Variants in VWC2L observed in about 807,000 individuals in gnomAD.
The protein encoded by VWC2L is von Willebrand factor C domain-containing protein 2-like.
VWC2L carries 10 observed loss-of-function variants against 21.6 expected under a neutral mutation model. The ratio of observed to expected loss-of-function variants is 0.46; its 90% CI spans 0.29 to 0.78. The LOEUF is 0.78. Ranked by LOEUF, VWC2L falls within the 30% of genes least tolerant of loss-of-function variation. VWC2L has a pLI of 0.10. For synonymous variants in VWC2L, 96 were observed against 94.3 expected (o/e 1.02, Z -0.10); for missense variants, 209 against 277.1 (o/e 0.75, Z 1.74).
chr2:214,416,015 T>C (rs1429949788), intron 2 of VWC2L, among the ~76,000 whole-genome samples: 1 of 152,122 alleles, frequency 6.6e-6, no homozygotes, highest in Non-Finnish European at 1.5e-5. Context: ...GTCATCTTAA[T>C]GGAAGTAAGT....
At chr2:214,471,835 T>G (rs186222397) in intron 3 of VWC2L, among the ~76,000 whole-genome samples, 1 of 152,310 alleles carries the variant, frequency 6.6e-6, no homozygotes, top group East Asian at 1.9e-4. Context: ...TCTGGTTGCA[T>G]TGGTGATTAC....
At chr2:214,441,809 GTAATA>G (rs1196859686) in intron 3 of VWC2L, among the ~76,000 whole-genome samples, 2 of 151,522 alleles carry the variant, frequency 1.3e-5, no homozygotes, top group Non-Finnish European at 2.9e-5. Flanking sequence ...CATTTTGTAT[GTAATA>G]TAATGTATAC....
chr2:214,562,296 A>G (rs1204372823), intron 3 of VWC2L, among the ~76,000 whole-genome samples: 1 of 152,108 alleles, frequency 6.6e-6, no homozygotes, highest in African/African-American at 2.4e-5. Context: ...TTCCAGCTCT[A>G]TCCATCTCCC....
rs1416689052 is a variant in VWC2L, at chr2:214,524,318, A to G, written c.521-51354A>G. Among the ~76,000 whole-genome samples, 4 of 152,140 alleles carry G rather than the reference A, an allele frequency of 2.6e-5. No homozygotes were observed. In the East Asian group the frequency reaches 7.7e-4, roughly 29 times the overall value. ...AAGCACAAAATATCACCTTAACACT[A>G]TGAAGGACAATATTTGTTTTCTAAA... is the stretch of plus-strand genomic sequence containing the variant. On this transcript the variant is annotated intron_variant, in intron 3 of 3. Coordinates refer to ENST00000312504, the MANE Select transcript of VWC2L (RefSeq NM_001080500.4).
chr2:214,536,740 C>T (rs1390540867), intron 3 of VWC2L: 1 of 151,956 alleles, frequency 6.6e-6, no homozygotes, highest in Non-Finnish European at 1.5e-5. Flanking sequence ...TTGAAATATT[C>T]CCAATTGTCT....
chr2:214,479,003 A>G (rs896097567), intron 3 of VWC2L, among the ~76,000 whole-genome samples: 3 of 152,200 alleles, frequency 2.0e-5, no homozygotes, highest in African/African-American at 4.8e-5. Flanking sequence ...AAAGTGAGAC[A>G]TGAGGGTTCA....
intron 3 of VWC2L, among the ~76,000 whole-genome samples, chr2:214,500,335 A>G (rs999182846): frequency 9.8e-5 from 15 of 152,328 alleles, no homozygotes; most frequent in African/African-American, 3.6e-4. Flanking sequence ...CCTCATGTAG[A>G]TTAAAGTCAG....
At chr2:214,525,051 ACAC>A in intron 3 of VWC2L, 1 of 95,530 alleles carries the variant, frequency 1.0e-5, no homozygotes, top group African/African-American at 4.1e-5. Context: ...CCTCACACAC[ACAC>A]ACACACACAC....
chr2:214,484,488 G>A (rs1688649392), intron 3 of VWC2L, among the ~76,000 whole-genome samples: 1 of 152,064 alleles, frequency 6.6e-6, no homozygotes, highest in Admixed American at 6.6e-5. Context: ...TTCAGTTTCA[G>A]CTCTCCCAAT....
intron 3 of VWC2L, among the ~76,000 whole-genome samples, chr2:214,542,639 G>T (rs1312718463): frequency 6.6e-6 from 1 of 152,162 alleles, no homozygotes; most frequent in Non-Finnish European, 1.5e-5. Flanking sequence ...GAAAATTGCT[G>T]CAGGCAGCGG....
At chr2:214,416,268 A>G (rs1299233734) in intron 2 of VWC2L, among the ~76,000 whole-genome samples, 1 of 152,122 alleles carries the variant, frequency 6.6e-6, no homozygotes, top group Admixed American at 6.6e-5. Flanking sequence ...TTTTACTACA[A>G]AGATAATAAC....
chr2:214,515,679 A>G (rs1262049383), intron 3 of VWC2L, among the ~76,000 whole-genome samples: 2 of 151,994 alleles, frequency 1.3e-5, no homozygotes, highest in African/African-American at 2.4e-5. Flanking sequence ...TCAGCCTCCC[A>G]AGTAGCTGGG....
chr2:214,507,917 A>G (rs1688989768), intron 3 of VWC2L, among the ~76,000 whole-genome samples: 1 of 152,124 alleles, frequency 6.6e-6, no homozygotes, highest in Admixed American at 6.5e-5. Flanking sequence ...TTATATTCAC[A>G]TTGTTTAAAA....
At chr2:214,414,794 A>AT (rs1369518517) in intron 2 of VWC2L, 19 of 578,254 alleles carry the variant, frequency 3.3e-5, no homozygotes, top group Admixed American at 7.2e-5. Flanking sequence ...AATAACCTTT[A>AT]TTTTTTTTCC....
In VWC2L at chr2:214,465,202, G is replaced by A. The variant is rs534294450; in HGVS notation, c.520+28444G>A. ...CCTCTCCTTTCCTCAGGCAGAAGGA[G>A]TATCTCCCCATGGTCACCACAGCTG... On this transcript the variant is annotated intron_variant, in intron 3 of 3. Transcript: ENST00000312504. Among the ~76,000 whole-genome samples the A allele has an allele frequency of 4.6e-5, 7 of 152,266 alleles. No homozygotes were observed. In the South Asian group the frequency reaches 1.2e-3, roughly 27 times the overall value.
intron 2 of VWC2L, among the ~76,000 whole-genome samples, chr2:214,421,024 C>G (rs1702430273): frequency 6.6e-6 from 1 of 152,170 alleles, no homozygotes; most frequent in African/African-American, 2.4e-5. Flanking sequence ...GGGGGATTCC[C>G]ATCTTCGTAA....
chr2:214,575,587 TG>T, intron 3 of VWC2L, 84 bp from the exon 4 acceptor site: 2 of 1,491,652 alleles, frequency 1.3e-6, no homozygotes, highest in Non-Finnish European at 1.8e-6. Flanking sequence ...TACTCATTTA[TG>T]GCTTTGGGGC....
At chr2:214,472,531 A>G (rs1703324862) in intron 3 of VWC2L, among the ~76,000 whole-genome samples, 1 of 152,236 alleles carries the variant, frequency 6.6e-6, no homozygotes, top group South Asian at 2.1e-4. Flanking sequence ...TATAAAATTT[A>G]TCATAGTCAT....
rs867209057 is a variant in VWC2L, at chr2:214,436,550, G to T, written c.391-79G>T. The T allele has an allele frequency of 1.0e-5, 16 of 1,538,514 alleles. No homozygotes were observed. The African/African-American group carries it at 1.8e-4, about 17-fold the overall frequency. ...TAAAGCCAATATAATAAGCACTGAT[G>T]TTTTGTCTTCTGACAGCATATGAAT... On this transcript the variant is annotated intron_variant, in intron 2 of 3. Transcript: ENST00000312504.
Sources: allele counts gnomAD v4.1 joint callset (sites outside exome capture counted in the v4.1 genomes callset), GRCh38; gene constraint gnomAD v4.1.1; transcripts MANE v1.5; gene names NCBI Gene and HGNC (gene_info 2026-07-23, HGNC 2026-07-21).